The following CDKAL1 variants were observed in gnomAD, a reference collection of about 807,000 sequenced individuals.
The protein encoded by CDKAL1 is threonylcarbamoyladenosine tRNA methylthiotransferase.
A neutral mutation model predicts 68.2 loss-of-function variants in CDKAL1; 32 were observed. The ratio of observed to expected loss-of-function variants is 0.47; its 90% CI spans 0.35 to 0.63. The LOEUF (loss-of-function observed/expected upper bound fraction) is 0.63. Ranked by LOEUF, CDKAL1 falls within the 30% of genes least tolerant of loss-of-function variation. CDKAL1 has a pLI of 0.00. For synonymous variants in CDKAL1, 234 were observed against 244.3 expected (o/e 0.96, Z 0.39); for missense variants, 606 against 696.7 (o/e 0.87, Z 1.47).
chr6:20,790,126 G>A (rs1775835530), intron 8 of CDKAL1, among the ~76,000 whole-genome samples: 1 of 152,100 alleles, frequency 6.6e-6, no homozygotes, highest in South Asian at 2.1e-4. Flanking sequence ...AAATGTAGTT[G>A]AACATAAAAA....
chr6:21,230,847 G>A lies in CDKAL1; in HGVS notation c.1549-1G>A. 6.3e-7 allele frequency: 1 copy of A among 1,598,408 alleles called. No individual in the cohort carries two copies. ...TTTTTCCTCTGTTTCTCTCTTTATA[G>A]GACTTCAGAAATGGGCTTGGGAACC... On this transcript the variant is annotated splice_acceptor_variant, in intron 15 of 15. Coordinates refer to ENST00000274695, the MANE Select transcript of CDKAL1 (RefSeq NM_017774.3). LOFTEE classifies it high-confidence loss of function.
At chr6:21,119,492 G>A (rs1267505998) in intron 13 of CDKAL1, among the ~76,000 whole-genome samples, 1 of 152,180 alleles carries the variant, frequency 6.6e-6, no homozygotes, top group East Asian at 1.9e-4. Flanking sequence ...TTCTTGACAT[G>A]TGGGAGGTGC....
At chr6:21,204,249 A>C (rs1778810705) in intron 15 of CDKAL1, among the ~76,000 whole-genome samples, 1 of 152,198 alleles carries the variant, frequency 6.6e-6, no homozygotes, top group Non-Finnish European at 1.5e-5. Flanking sequence ...CATACACGAA[A>C]GTAGAGAGAA....
intron 4 of CDKAL1, 152 bp from the exon 5 acceptor site, chr6:20,649,141 A>G: frequency 3.3e-6 from 2 of 604,538 alleles, no homozygotes; most frequent in South Asian, 3.9e-5. Context: ...AAATATTTCC[A>G]TGTTCTAGCA....
chr6:21,076,045 C>T (rs1217774657), intron 12 of CDKAL1, among the ~76,000 whole-genome samples: 2 of 152,094 alleles, frequency 1.3e-5, no homozygotes, highest in Non-Finnish European at 2.9e-5. Context: ...ATTATATGTC[C>T]TCATAAAAGA....
chr6:20,626,776 C>CT (rs1171401628), intron 4 of CDKAL1, among the ~76,000 whole-genome samples: 1 of 152,164 alleles, frequency 6.6e-6, no homozygotes, highest in Admixed American at 6.6e-5. Context: ...TAGGCATCAC[C>CT]TTTCTGTTTG....
chr6:21,065,056 G>A lies in CDKAL1; in HGVS notation c.1064G>A (p.Gly355Glu), dbSNP rs1562001491. 2 of 1,540,520 alleles carry A rather than the reference G, an allele frequency of 1.3e-6. No homozygotes were observed. Among genetic ancestry groups the A allele is most frequent in the Non-Finnish European group, 1.7e-6 (2 of 1,144,484 alleles). ...GTCTTGTTATTTTCTAGAGTTCCTG[G>A]AATAACTATTGCTACAGATATTATC... ...VVDFLKEKVP[G>E]ITIATDIICG... The change falls in exon 12 of 16, where the codon GGA becomes GAA. Residue 355 changes from glycine to glutamate, a missense_variant. Transcript: ENST00000274695.
At chr6:21,009,746 G>C (rs1475694001) in intron 11 of CDKAL1, among the ~76,000 whole-genome samples, 1 of 152,166 alleles carries the variant, frequency 6.6e-6, no homozygotes, top group Non-Finnish European at 1.5e-5. Flanking sequence ...ACCAGGCACA[G>C]AAAGACAAAT....
chr6:21,204,926 T>C (rs766206371), intron 15 of CDKAL1, among the ~76,000 whole-genome samples: 1 of 152,218 alleles, frequency 6.6e-6, no homozygotes, highest in Non-Finnish European at 1.5e-5. Flanking sequence ...AACCCTGTAC[T>C]CATTAAACAA....
intron 13 of CDKAL1, among the ~76,000 whole-genome samples, chr6:21,169,910 G>C (rs974296802): frequency 9.0e-6 from 1 of 110,612 alleles, no homozygotes; most frequent in African/African-American, 4.6e-5. Flanking sequence ...CACCAGAACA[G>C]TACGGGAAAG....
chr6:21,142,588 C>G (rs1298552795), intron 13 of CDKAL1, among the ~76,000 whole-genome samples: 2 of 152,194 alleles, frequency 1.3e-5, no homozygotes, highest in African/African-American at 4.8e-5. Context: ...CAGTGGCCAA[C>G]ATGCCTAGGA....
At chr6:20,716,610 G>A (rs755795835) in intron 5 of CDKAL1, among the ~76,000 whole-genome samples, 6 of 151,956 alleles carry the variant, frequency 3.9e-5, no homozygotes, top group Non-Finnish European at 4.4e-5. Context: ...TGAGTACTGG[G>A]CATATGTTGG....
chr6:21,204,784 TTTAA>T (rs1396374470), intron 15 of CDKAL1, among the ~76,000 whole-genome samples: 20 of 152,198 alleles, frequency 1.3e-4, no homozygotes, highest in Non-Finnish European at 2.5e-4. Context: ...TTTTGTGTGT[TTTAA>T]TTGTGGTAAA....
chr6:21,075,171 G>A (rs921542191), intron 12 of CDKAL1, among the ~76,000 whole-genome samples: 1 of 116,806 alleles, frequency 8.6e-6, no homozygotes, highest in Non-Finnish European at 1.9e-5. Flanking sequence ...GCTTTAGAAT[G>A]CCTCTTAGTG....
chr6:21,170,625 A>C (rs1380299416), intron 13 of CDKAL1, among the ~76,000 whole-genome samples: 1 of 151,934 alleles, frequency 6.6e-6, no homozygotes, highest in Non-Finnish European at 1.5e-5. Context: ...ACCACGCCCG[A>C]CCGTACTTAC....
chr6:21,084,922 C>G (rs546270517), intron 12 of CDKAL1, among the ~76,000 whole-genome samples: 30 of 152,318 alleles, frequency 2.0e-4, no homozygotes, highest in African/African-American at 7.0e-4. Flanking sequence ...CTTCTTCATT[C>G]TTCTCTCTAG....
At chr6:20,991,354 T>G (rs1240961582) in intron 10 of CDKAL1, among the ~76,000 whole-genome samples, 1 of 152,144 alleles carries the variant, frequency 6.6e-6, no homozygotes, top group East Asian at 1.9e-4. Context: ...TGGGTGGTGG[T>G]TTGTCCAACA....
intron 11 of CDKAL1, among the ~76,000 whole-genome samples, chr6:21,002,657 TAA>T (rs747646615): frequency 2.6e-4 from 18 of 68,134 alleles, no homozygotes; most frequent in Non-Finnish European, 2.3e-4. Flanking sequence ...TAACCTATTT[TAA>T]AAAAAAAAAA....
chr6:21,035,446 T>C (rs1052656431), intron 11 of CDKAL1, among the ~76,000 whole-genome samples: 4 of 152,084 alleles, frequency 2.6e-5, no homozygotes, highest in African/African-American at 9.7e-5. Flanking sequence ...CACTCATATT[T>C]GAGACAAAAA....
Sources: gnomAD v4.1 joint callset for allele counts (sites outside exome capture counted in the v4.1 genomes callset) on GRCh38, gnomAD v4.1.1 for gene constraint, MANE v1.5 for transcripts, NCBI Gene and HGNC (gene_info 2026-07-23, HGNC 2026-07-21) for gene names.